The following GTF2E1 variants were observed in gnomAD, a reference collection of about 807,000 sequenced individuals.
GTF2E1 encodes the protein TFIIE alpha subunit.
GTF2E1 carries 14 observed loss-of-function variants against 34.9 expected under a neutral mutation model. That is an observed-to-expected ratio of 0.40 (90% CI 0.27 to 0.63). GTF2E1 has a LOEUF of 0.63. Among genes scored for constraint, GTF2E1 ranks in the 20% least tolerant of loss-of-function variants. GTF2E1 has a pLI of 0.39. For missense variants in GTF2E1, 469 were observed against 557.7 expected, an observed-to-expected ratio of 0.84 and a Z score of 1.60; for synonymous variants, 188 against 192.9, an observed-to-expected ratio of 0.97 and a Z score of 0.21.
chr3:120,752,969 T>C (rs569373151), intron 2 of GTF2E1, among the ~76,000 whole-genome samples: 32 of 152,254 alleles, frequency 2.1e-4, no homozygotes, highest in Non-Finnish European at 3.4e-4. Flanking sequence ...GATTAAAAAT[T>C]TATAATCATT....
chr3:120,761,786 A>ATTT (rs35658998), intron 2 of GTF2E1, among the ~76,000 whole-genome samples: 64 of 120,140 alleles, frequency 5.3e-4, no homozygotes, highest in African/African-American at 8.7e-4. Context: ...TCTGAGAGAC[A>ATTT]TTTTTTTTTT....
chr3:120,782,021 A>T lies in GTF2E1; in HGVS notation c.*551A>T, dbSNP rs1709453462. 6.5e-6 allele frequency: 1 copy of T among 153,652 alleles called. No homozygotes were observed. The highest frequency in any genetic ancestry group is 2.0e-4 in the South Asian group (1 of 4,968). 9.5% of individuals were successfully genotyped at this position (153,652 alleles called of 1,614,324 possible). Reference sequence around the variant, plus strand: ...GATTTTTTTCTTGCCTTATTAAGACATAATTTTCTCCCTTCTGAAATGAGT... The same window carrying T: ...GATTTTTTTCTTGCCTTATTAAGACTTAATTTTCTCCCTTCTGAAATGAGT... On this transcript the variant is annotated 3_prime_UTR_variant, in exon 5 of 5. Coordinates refer to ENST00000283875, the MANE Select transcript of GTF2E1 (RefSeq NM_005513.3).
chr3:120,744,966 T>G (rs1709092910), intron 1 of GTF2E1, among the ~76,000 whole-genome samples: 1 of 151,984 alleles, frequency 6.6e-6, no homozygotes, highest in Non-Finnish European at 1.5e-5. Context: ...TCACCGAGGC[T>G]GGTGTGCAGT....
At chr3:120,754,857 A>G (rs1468293038) in intron 2 of GTF2E1, among the ~76,000 whole-genome samples, 3 of 152,178 alleles carry the variant, frequency 2.0e-5, no homozygotes, top group Admixed American at 1.3e-4. Flanking sequence ...TTCAGAGATT[A>G]TCTAGTTCAA....
chr3:120,782,436 G>A lies in GTF2E1; in HGVS notation c.*966G>A, dbSNP rs1016695856. 6.6e-6 allele frequency: 1 copy of A among 152,192 alleles called. No individual in the cohort carries two copies. Among genetic ancestry groups the A allele is most frequent in the Non-Finnish European group, 1.5e-5 (1 of 68,044 alleles). The allele number at this position is 152,192 out of a possible 1,614,324, so 9.4% of individuals were successfully genotyped here. A position where few individuals can be genotyped will look rare whatever the true frequency, so the allele number is the denominator to read the frequency against. On this transcript the variant is annotated 3_prime_UTR_variant, in exon 5 of 5. Transcript: ENST00000283875. ...TTTGGATTTAGGATGATAGAAAACA[G>A]AAGTATAATTGGTAAACCCTTAGGA... is the stretch of plus-strand genomic sequence containing the variant.
At chr3:120,753,361 T>C (rs9849411) in intron 2 of GTF2E1, among the ~76,000 whole-genome samples, 102,675 of 151,870 alleles carry the variant, frequency 0.68, 35,222 homozygotes, top group East Asian at 0.97. Context: ...TGGTAGATTG[T>C]AGTTTTCTTT....
intron 2 of GTF2E1, among the ~76,000 whole-genome samples, chr3:120,751,380 G>A (rs1054682660): frequency 3.4e-4 from 51 of 152,200 alleles, no homozygotes; most frequent in African/African-American, 1.2e-3. Flanking sequence ...GAAGTAGAAA[G>A]TGGTATCAGG....
In GTF2E1 at chr3:120,781,427, A is replaced by G. The variant is rs1709446753; in HGVS notation, c.1277A>G (p.Tyr426Cys). The G allele has an allele frequency of 6.2e-7, 1 of 1,614,012 alleles. No individual in the cohort carries two copies. Among genetic ancestry groups the G allele is most frequent in the African/African-American group, 1.3e-5 (1 of 74,930 alleles). Residue 426 changes from tyrosine to cysteine, a missense_variant, in exon 5 of 5, where the codon TAT (tyrosine) becomes TGT (cysteine). By Grantham distance (194) the Tyr-to-Cys change is radical. Coordinates refer to ENST00000283875, the MANE Select transcript of GTF2E1 (RefSeq NM_005513.3). ...ATGACACCAGAAGAAAAGGAAGCAT[A>G]TATAGCAATGGGACAACGCATGTTT... ...AQMTPEEKEA[Y>C]IAMGQRMFED...
In GTF2E1 at chr3:120,774,606, A is replaced by G. The variant is rs183342123; in HGVS notation, c.651-1817A>G. On this transcript the variant is annotated intron_variant, in intron 3 of 4. Coordinates refer to ENST00000283875, the MANE Select transcript of GTF2E1 (RefSeq NM_005513.3). ...AGCAGAGAGAAACCAGTTATGTGCA[A>G]TTGTAGCATAAGACTTCAGAATATA... 1.1e-4 allele frequency among the ~76,000 whole-genome samples: 16 copies of G among 150,644 alleles called. No homozygotes were observed. The East Asian group carries it at 2.8e-3, about 26-fold the overall frequency.
At chr3:120,745,018 A>G (rs1468550553) in intron 1 of GTF2E1, among the ~76,000 whole-genome samples, 1 of 151,996 alleles carries the variant, frequency 6.6e-6, no homozygotes, top group African/African-American at 2.4e-5. Flanking sequence ...TCCTGGCTCA[A>G]TTGATCCACC....
At chr3:120,770,644 A>G (rs1389061524) in intron 2 of GTF2E1, 84 bp from the exon 3 acceptor site, 6 of 935,540 alleles carry the variant, frequency 6.4e-6, no homozygotes, top group Middle Eastern at 2.2e-4. Context: ...GAAAGTTTTA[A>G]TAATAAGATA....
intron 3 of GTF2E1, among the ~76,000 whole-genome samples, chr3:120,775,265 A>G (rs1709389223): frequency 1.3e-5 from 2 of 152,168 alleles, no homozygotes; most frequent in Non-Finnish European, 2.9e-5. Flanking sequence ...TCGGGGCTCC[A>G]CACAGGAGAT....
intron 2 of GTF2E1, among the ~76,000 whole-genome samples, chr3:120,764,475 G>A (rs1044526865): frequency 1.3e-5 from 2 of 152,152 alleles, no homozygotes; most frequent in African/African-American, 4.8e-5. Flanking sequence ...CCATATCAAA[G>A]CATTTGAGCT....
intron 2 of GTF2E1, among the ~76,000 whole-genome samples, chr3:120,766,189 C>G (rs906231161): frequency 2.6e-5 from 4 of 152,140 alleles, no homozygotes; most frequent in Non-Finnish European, 5.9e-5. Context: ...TTCCTGGGCC[C>G]CATTCTGGAC....
In GTF2E1 at chr3:120,776,471, GCAC is replaced by G; in HGVS notation, c.704_706del (p.His235del). On this transcript the variant is annotated inframe_deletion, in exon 4 of 5. Coordinates refer to ENST00000283875, the MANE Select transcript of GTF2E1 (RefSeq NM_005513.3). ...CTGGAGCTGCTAGCCTAGCAGGTGG[GCAC>G]CACCGGGAAGCATGGGCCACCAAAG... 1 of 1,613,410 alleles carries G rather than the reference GCAC, an allele frequency of 6.2e-7. No homozygotes were observed. Among genetic ancestry groups the G allele is most frequent in the Non-Finnish European group, 8.5e-7 (1 of 1,179,540 alleles).
In GTF2E1 at chr3:120,770,934, G is replaced by A. The variant is rs1709345732; in HGVS notation, c.650+5G>A. The A allele has an allele frequency of 6.8e-6, 11 of 1,610,414 alleles. No homozygotes were observed. The highest frequency in any genetic ancestry group is 6.7e-5 in the East Asian group (3 of 44,880). On this transcript the variant is annotated splice_donor_5th_base_variant and intron_variant, in intron 3 of 4. Coordinates refer to ENST00000283875, the MANE Select transcript of GTF2E1 (RefSeq NM_005513.3). ...AATCCCAGCCCTGAAACAGAGGTGAGTGTAGGCCCTGTGCTCTTACTAAGA... is the reference window on the plus strand; with the variant it reads ...AATCCCAGCCCTGAAACAGAGGTGAATGTAGGCCCTGTGCTCTTACTAAGA...
chr3:120,746,335 A>G (rs935697400), intron 1 of GTF2E1, among the ~76,000 whole-genome samples: 2 of 152,108 alleles, frequency 1.3e-5, no homozygotes, highest in Non-Finnish European at 2.9e-5. Flanking sequence ...CTAAAAATTC[A>G]AAAATTAGAC....
intron 2 of GTF2E1, among the ~76,000 whole-genome samples, chr3:120,764,953 G>GA (rs1288687426): frequency 6.6e-6 from 1 of 150,920 alleles, no homozygotes; most frequent in East Asian, 1.9e-4. Context: ...GTTTAGCAAA[G>GA]AAAAAATGTC....
At chr3:120,765,007 G>A (rs1252622878) in intron 2 of GTF2E1, among the ~76,000 whole-genome samples, 1 of 147,248 alleles carries the variant, frequency 6.8e-6, no homozygotes, top group East Asian at 2.0e-4. Flanking sequence ...TTTTTTAATT[G>A]TTGTTACCAA....
Sources: allele counts gnomAD v4.1 joint callset (sites outside exome capture counted in the v4.1 genomes callset), GRCh38; gene constraint gnomAD v4.1.1; transcripts MANE v1.5; gene names NCBI Gene and HGNC (gene_info 2026-07-23, HGNC 2026-07-21).